TRPC4: variants seen among roughly 807,000 people sequenced by gnomAD.
TRPC4 encodes transient receptor potential cation channel subfamily C member 4.
TRPC4 carries 49 observed loss-of-function variants against 99.4 expected under a neutral mutation model. That is an observed-to-expected ratio of 0.49 (90% CI 0.39 to 0.63). The LOEUF (loss-of-function observed/expected upper bound fraction) is 0.63, where lower values mean the gene tolerates loss of function less well. Among genes scored for constraint, TRPC4 ranks in the 20% least tolerant of loss-of-function variants. The pLI is 0.00. For missense variants in TRPC4, 898 were observed against 1,152.9 expected (o/e 0.78, Z 3.20); for synonymous variants, 454 against 425.9 (o/e 1.07, Z -0.81).
At chr13:37,700,739 T>C (rs1401824276) in intron 3 of TRPC4, among the ~76,000 whole-genome samples, 1 of 152,100 alleles carries the variant, frequency 6.6e-6, no homozygotes, top group African/African-American at 2.4e-5. Context: ...TCTCTACCCA[T>C]CTAATTTATA....
chr13:37,639,293 C>G lies in TRPC4; in HGVS notation c.2086G>C (p.Ala696Pro). The change falls in exon 9 of 11, where the codon GCT becomes CCT. Residue 696 changes from alanine to proline, a missense_variant. Transcript: ENST00000379705. Reference protein sequence around the residue: ...PESFGTIGRRAADNLRRHHQY... With the variant: ...PESFGTIGRRPADNLRRHHQY... ...TGATGTCTTCTCAAGTTATCAGCAG[C>G]TCGCCTCTGAAAAGGAAAAGGACAT... The G allele has an allele frequency of 6.2e-7, 1 of 1,613,624 alleles. No homozygotes were observed. Among genetic ancestry groups the G allele is most frequent in the Non-Finnish European group, 8.5e-7 (1 of 1,179,646 alleles).
At chr13:37,682,205 G>A (rs371956310) in intron 4 of TRPC4, among the ~76,000 whole-genome samples, 2 of 152,258 alleles carry the variant, frequency 1.3e-5, no homozygotes, top group African/African-American at 4.8e-5. Flanking sequence ...ACCTCCAGGG[G>A]TCTCTTATTT....
rs1019985796 is a variant in TRPC4 at position 37,867,963 on chromosome 13, T to C, written c.-28+1632A>G. 2.6e-5 allele frequency among the ~76,000 whole-genome samples: 4 copies of C among 152,250 alleles called. No homozygotes were observed. In the East Asian group the frequency reaches 7.7e-4, roughly 29 times the overall value. On this transcript the variant is annotated intron_variant, in intron 1 of 10. Coordinates refer to ENST00000379705, the MANE Select transcript of TRPC4 (RefSeq NM_016179.4). ...GTGTGTATAGAATAAGACATTAAAA[T>C]TTCCTCTAATGAGAAAGAATATAAA...
chr13:37,782,429 T>G (rs754411776), intron 2 of TRPC4, among the ~76,000 whole-genome samples: 9 of 152,128 alleles, frequency 5.9e-5, no homozygotes, highest in Non-Finnish European at 1.2e-4. Context: ...TGTTTCTTTC[T>G]TTAAGTCTCA....
At chr13:37,721,137 C>G (rs921308096) in intron 3 of TRPC4, among the ~76,000 whole-genome samples, 3 of 152,126 alleles carry the variant, frequency 2.0e-5, no homozygotes, top group Non-Finnish European at 4.4e-5. Context: ...TTACAGGCTG[C>G]ATCTTCCCAT....
At chr13:37,801,572 C>A in intron 1 of TRPC4, among the ~76,000 whole-genome samples, 1 of 152,088 alleles carries the variant, frequency 6.6e-6, no homozygotes, top group East Asian at 1.9e-4. Context: ...AAGCCAAATA[C>A]TTAAAACAGA....
chr13:37,674,514 A>G (rs778390589), intron 4 of TRPC4, 147 bp from the exon 5 acceptor site: 2 of 815,934 alleles, frequency 2.5e-6, no homozygotes, highest in Non-Finnish European at 3.7e-6. Context: ...AGGTAATAAC[A>G]CTGAGTCCCA....
At chr13:37,746,583 AG>A in intron 2 of TRPC4, 128 bp from the exon 3 acceptor site, 1 of 966,672 alleles carries the variant, frequency 1.0e-6, no homozygotes, top group Non-Finnish European at 1.4e-6. Flanking sequence ...TTTTTTTTGT[AG>A]GAGAGATATG....
rs73458387 is a variant in TRPC4 at position 37,763,202 on chromosome 13, C to T, written c.379-16747G>A. Among the ~76,000 whole-genome samples, 1,063 of 151,020 alleles carry T rather than the reference C, an allele frequency of 7.0e-3. 8 individuals are homozygous for T. The highest frequency in any genetic ancestry group is 0.024 in the African/African-American group (997 of 41,188). On this transcript the variant is annotated intron_variant, in intron 2 of 10. Coordinates refer to ENST00000379705, the MANE Select transcript of TRPC4 (RefSeq NM_016179.4). ...TGAAAATTTGAACTGTCTGACATTT[C>T]GAAATTTAGAGATGGAGAAGATGAG...
intron 8 of TRPC4, among the ~76,000 whole-genome samples, chr13:37,642,533 G>A (rs1301966756): frequency 6.6e-6 from 1 of 152,032 alleles, no homozygotes; most frequent in Non-Finnish European, 1.5e-5. Flanking sequence ...TCTCTTCAGG[G>A]ACTCAGGATG....
At chr13:37,757,652 A>C (rs1293480873) in intron 2 of TRPC4, among the ~76,000 whole-genome samples, 1 of 152,024 alleles carries the variant, frequency 6.6e-6, no homozygotes, top group African/African-American at 2.4e-5. Flanking sequence ...ACACACACAC[A>C]CACACACAAA....
At chr13:37,855,911 A>C (rs1959170145) in intron 1 of TRPC4, among the ~76,000 whole-genome samples, 1 of 151,932 alleles carries the variant, frequency 6.6e-6, no homozygotes, top group South Asian at 2.1e-4. Context: ...TATAGCTGTA[A>C]GTGCCTACAT....
chr13:37,710,423 A>G (rs1954443536), intron 3 of TRPC4, among the ~76,000 whole-genome samples: 1 of 151,854 alleles, frequency 6.6e-6, no homozygotes, highest in Admixed American at 6.6e-5. Flanking sequence ...TTTTAAAAAG[A>G]GTTGTTTATT....
At chr13:37,784,616 T>C (rs549025175) in intron 1 of TRPC4, among the ~76,000 whole-genome samples, 1 of 152,104 alleles carries the variant, frequency 6.6e-6, no homozygotes, top group Non-Finnish European at 1.5e-5. Context: ...TAGGGTGTTC[T>C]AGGTACTTAA....
At chr13:37,821,274 T>C (rs1326478859) in intron 1 of TRPC4, among the ~76,000 whole-genome samples, 2 of 150,700 alleles carry the variant, frequency 1.3e-5, no homozygotes, top group Non-Finnish European at 3.0e-5. Context: ...GAAAGATCTC[T>C]ACAATAAGAA....
chr13:37,862,685 T>G (rs1374289579), intron 1 of TRPC4, among the ~76,000 whole-genome samples: 1 of 151,628 alleles, frequency 6.6e-6, no homozygotes, highest in East Asian at 1.9e-4. Context: ...TACAGGACAC[T>G]GGAGTGTGAT....
At chr13:37,695,909 C>T (rs1953887725) in intron 3 of TRPC4, among the ~76,000 whole-genome samples, 1 of 152,016 alleles carries the variant, frequency 6.6e-6, no homozygotes, top group Non-Finnish European at 1.5e-5. Flanking sequence ...AAAAGAATTA[C>T]AAAAAGGAGG....
intron 6 of TRPC4, among the ~76,000 whole-genome samples, chr13:37,660,267 A>T (rs1952385048): frequency 6.6e-6 from 1 of 152,162 alleles, no homozygotes; most frequent in Non-Finnish European, 1.5e-5. Context: ...TAGAAGTTAA[A>T]AGGGGCAAGA....
chr13:37,735,845 A>G (rs1168691662), intron 3 of TRPC4, among the ~76,000 whole-genome samples: 1 of 152,230 alleles, frequency 6.6e-6, no homozygotes, highest in Non-Finnish European at 1.5e-5. Flanking sequence ...TATTTAAAGC[A>G]GTATCAAATA....
Sources: gnomAD v4.1 joint callset for allele counts (sites outside exome capture counted in the v4.1 genomes callset) on GRCh38, gnomAD v4.1.1 for gene constraint, MANE v1.5 for transcripts, NCBI Gene and HGNC (gene_info 2026-07-23, HGNC 2026-07-21) for gene names.